The following CACHD1 variants were observed in gnomAD, a reference collection of about 807,000 sequenced individuals.
CACHD1 encodes the protein cache domain containing 1.
In CACHD1, 71 loss-of-function variants were observed where a neutral mutation model predicts 138.7. That is an observed-to-expected ratio of 0.51 (90% CI 0.42 to 0.62). The LOEUF is 0.62. CACHD1 is among the 20% of genes least tolerant of loss of function. The pLI is 0.00. For missense variants in CACHD1, 1,389 were observed against 1,625.3 expected, an observed-to-expected ratio of 0.85 and a Z score of 2.50; for synonymous variants, 578 against 591.5, an observed-to-expected ratio of 0.98 and a Z score of 0.33.
intron 2 of CACHD1, among the ~76,000 whole-genome samples, chr1:64,550,883 T>C (rs1481413053): frequency 6.6e-6 from 1 of 152,242 alleles, no homozygotes; most frequent in Non-Finnish European, 1.5e-5. Flanking sequence ...TTTGGAACTA[T>C]TTAATTCCTT....
chr1:64,637,638 A>G (rs1270301631), intron 7 of CACHD1, among the ~76,000 whole-genome samples: 2 of 152,194 alleles, frequency 1.3e-5, no homozygotes, highest in Non-Finnish European at 2.9e-5. Flanking sequence ...TGGCAAGAAG[A>G]TTGACCATTA....
intron 12 of CACHD1, among the ~76,000 whole-genome samples, chr1:64,655,335 T>C (rs945400657): frequency 6.6e-6 from 1 of 152,178 alleles, no homozygotes; most frequent in African/African-American, 2.4e-5. Context: ...TATTTGTGTG[T>C]GTGTGTATAC....
At chr1:64,654,627 T>A (rs941925205) in intron 11 of CACHD1, 59 bp from the exon 12 acceptor site, 2 of 1,284,856 alleles carry the variant, frequency 1.6e-6, no homozygotes, top group Non-Finnish European at 2.3e-6. Context: ...TCCTTGCCTT[T>A]AATTAAGTGC....
intron 26 of CACHD1, among the ~76,000 whole-genome samples, chr1:64,685,095 C>T (rs1650324533): frequency 1.3e-5 from 2 of 152,196 alleles, no homozygotes; most frequent in Non-Finnish European, 2.9e-5. Context: ...AGGCGTGAGC[C>T]ACTGCGCCCG....
At chr1:64,495,754 C>T (rs1397298564) in intron 1 of CACHD1, among the ~76,000 whole-genome samples, 1 of 151,910 alleles carries the variant, frequency 6.6e-6, no homozygotes, top group Admixed American at 6.6e-5. Context: ...AGAGCCCTAG[C>T]ACCAAAGTCC....
At chr1:64,588,060 CAG>C (rs1647064851) in intron 3 of CACHD1, among the ~76,000 whole-genome samples, 1 of 152,130 alleles carries the variant, frequency 6.6e-6, no homozygotes, top group Admixed American at 6.5e-5. Flanking sequence ...CCTTTCAGGA[CAG>C]GGGATGAGTT....
At chr1:64,514,879 T>C (rs1291462060) in intron 1 of CACHD1, among the ~76,000 whole-genome samples, 1 of 152,222 alleles carries the variant, frequency 6.6e-6, no homozygotes, top group African/African-American at 2.4e-5. Context: ...TTGTTTTTAG[T>C]AATTACAATT....
intron 4 of CACHD1, among the ~76,000 whole-genome samples, chr1:64,610,229 A>G (rs143555802): frequency 0.013 from 1,939 of 152,274 alleles, 39 homozygotes; most frequent in African/African-American, 0.045. Flanking sequence ...CAGCCAAACC[A>G]TATCATTCTG....
intron 4 of CACHD1, among the ~76,000 whole-genome samples, chr1:64,607,594 GAA>G (rs1425275816): frequency 6.6e-6 from 1 of 152,148 alleles, no homozygotes; most frequent in East Asian, 1.9e-4. Flanking sequence ...GTGCCAAAGG[GAA>G]TAATCCAGTA....
intron 3 of CACHD1, among the ~76,000 whole-genome samples, chr1:64,598,435 A>G (rs1647176952): frequency 6.6e-6 from 1 of 152,194 alleles, no homozygotes; most frequent in Non-Finnish European, 1.5e-5. Flanking sequence ...GAATATTATG[A>G]AATAAAATGC....
chr1:64,544,468 C>T (rs1372534550), intron 1 of CACHD1, among the ~76,000 whole-genome samples: 1 of 151,838 alleles, frequency 6.6e-6, no homozygotes, highest in Non-Finnish European at 1.5e-5. Flanking sequence ...CAAGCAGGCT[C>T]AATTAATTTG....
intron 4 of CACHD1, among the ~76,000 whole-genome samples, chr1:64,625,771 AT>A (rs1430049231): frequency 1.3e-5 from 2 of 152,214 alleles, no homozygotes; most frequent in African/African-American, 4.8e-5. Flanking sequence ...ATCTATAAAA[AT>A]AAAAAAAAAT....
chr1:64,677,590 T>C (rs1453615035), intron 22 of CACHD1, among the ~76,000 whole-genome samples: 1 of 152,188 alleles, frequency 6.6e-6, no homozygotes, highest in Non-Finnish European at 1.5e-5. Flanking sequence ...CGTGTGTATT[T>C]TAGCAAAGGA....
chr1:64,545,461 A>G (rs944139844), intron 1 of CACHD1, among the ~76,000 whole-genome samples: 8 of 152,206 alleles, frequency 5.3e-5, no homozygotes, highest in African/African-American at 1.9e-4. Flanking sequence ...ATGGAATTAT[A>G]TACTTTGTAT....
At chr1:64,571,754 G>A (rs972674082) in intron 2 of CACHD1, among the ~76,000 whole-genome samples, 8 of 152,168 alleles carry the variant, frequency 5.3e-5, no homozygotes, top group South Asian at 4.1e-4. Flanking sequence ...GTCAGGTTTC[G>A]TCCTTCATTT....
At chr1:64,646,310 C>T (rs577051579) in intron 8 of CACHD1, among the ~76,000 whole-genome samples, 129 of 152,322 alleles carry the variant, frequency 8.5e-4, no homozygotes, top group African/African-American at 2.7e-3. Flanking sequence ...CATCTCAGCT[C>T]TGTGCCGTGC....
At chr1:64,676,501 C>T (rs955538356) in intron 21 of CACHD1, among the ~76,000 whole-genome samples, 1 of 152,132 alleles carries the variant, frequency 6.6e-6, no homozygotes, top group Non-Finnish European at 1.5e-5. Flanking sequence ...CATGGTCTCA[C>T]TCTGTTGCTC....
chr1:64,668,771 C>G (rs1649722772), intron 16 of CACHD1, among the ~76,000 whole-genome samples: 1 of 152,132 alleles, frequency 6.6e-6, no homozygotes, highest in African/African-American at 2.4e-5. Flanking sequence ...CTATTTAGAG[C>G]TGTGTATTTT....
intron 1 of CACHD1, among the ~76,000 whole-genome samples, chr1:64,531,522 TGTGTG>T (rs1646585887): frequency 6.6e-6 from 1 of 152,002 alleles, no homozygotes; most frequent in African/African-American, 2.4e-5. Flanking sequence ...TGTGTGTGTG[TGTGTG>T]TGTCTGTGTA....
Sources: gnomAD v4.1 joint callset for allele counts (sites outside exome capture counted in the v4.1 genomes callset) on GRCh38, gnomAD v4.1.1 for gene constraint, MANE v1.5 for transcripts, NCBI Gene and HGNC (gene_info 2026-07-23, HGNC 2026-07-21) for gene names.